Variants in MYO7B observed in about 807,000 individuals in gnomAD.
The protein encoded by MYO7B is myosin VIIB.
In MYO7B, 212 loss-of-function variants were observed where a neutral mutation model predicts 259.7. The observed-to-expected ratio is 0.82, with a 90% CI of 0.73 to 0.91. The LOEUF is 0.91. MYO7B is among the 40% of genes least tolerant of loss of function. The pLI, the probability that MYO7B is intolerant of heterozygous loss-of-function variation, is 0.00. For synonymous variants in MYO7B, 1,197 were observed against 1,166.4 expected (o/e 1.03, Z -0.54); for missense variants, 2,732 against 2,813.5 (o/e 0.97, Z 0.66).
At chr2:127,625,637 CA>C in intron 31 of MYO7B, 102 bp downstream of exon 31, 2 of 1,275,758 alleles carry the variant, frequency 1.6e-6, no homozygotes, top group Non-Finnish European at 2.0e-6. Context: ...CCACAACCCC[CA>C]CCCCCTGGGG....
At chr2:127,587,117 A>G (rs189725242) in intron 14 of MYO7B, among the ~76,000 whole-genome samples, 58 of 152,240 alleles carry the variant, frequency 3.8e-4, no homozygotes, top group Non-Finnish European at 6.8e-4. Flanking sequence ...ACTTAAGGGG[A>G]GGAAAGTGAA....
chr2:127,562,614 T>C (rs1678151865), intron 2 of MYO7B, among the ~76,000 whole-genome samples: 2 of 149,546 alleles, frequency 1.3e-5, no homozygotes, highest in Non-Finnish European at 3.0e-5. Context: ...CAGCCTCCCA[T>C]GTAGCTGGGA....
At chr2:127,618,904 G>T (rs966966457) in intron 26 of MYO7B, among the ~76,000 whole-genome samples, 1 of 152,230 alleles carries the variant, frequency 6.6e-6, no homozygotes, top group African/African-American at 2.4e-5. Flanking sequence ...ATGAGGAATT[G>T]CCCAAGGAAC....
At position 127,627,135 on chromosome 2, in the gene MYO7B, G is replaced by T. The variant is rs1329214675; in HGVS notation, c.4333+43G>T. 1.2e-6 allele frequency: 2 copies of T among 1,603,900 alleles called. No homozygotes were observed. The highest frequency in any genetic ancestry group is 3.4e-5 in the Admixed American group (2 of 58,390). On this transcript the variant is annotated intron_variant, in intron 32 of 47. Coordinates refer to ENST00000409816, the MANE Select transcript of MYO7B (RefSeq NM_001393586.1). The surrounding 1 kb of genome is among the most constrained non-coding windows in gnomAD (Gnocchi z 5.6). ...GGGGCAGGGAGCAGGTATGGGCTGG[G>T]CACCCAGGGGTCCCATGCAGCCTTC...
intron 6 of MYO7B, among the ~76,000 whole-genome samples, chr2:127,572,008 C>T (rs960940463): frequency 4.6e-5 from 7 of 152,080 alleles, no homozygotes; most frequent in African/African-American, 1.7e-4. Context: ...AGATTTTCTC[C>T]TATGTTTTTC....
chr2:127,542,715 C>A (rs947655075), intron 1 of MYO7B, among the ~76,000 whole-genome samples: 5 of 152,048 alleles, frequency 3.3e-5, no homozygotes, highest in Non-Finnish European at 7.4e-5. Context: ...ATATGGAGGA[C>A]CCACACTGGC....
At position 127,628,089 on chromosome 2, in the gene MYO7B, C is replaced by T; in HGVS notation, c.4461-283C>T. 4 of 609,036 alleles carry T rather than the reference C, an allele frequency of 6.6e-6. No homozygotes were observed. Among genetic ancestry groups the T allele is most frequent in the Admixed American group, 2.1e-5 (1 of 47,058 alleles). 37.7% of individuals were successfully genotyped at this position (609,036 alleles called of 1,614,324 possible). A position where few individuals can be genotyped will look rare whatever the true frequency, so the allele number is the denominator to read the frequency against. ...CAGCTCATCTCAGCTCTGACCTTTG[C>T]AGTGTCCCTGCGGTGTCACTGCACA... On this transcript the variant is annotated intron_variant, in intron 33 of 47. Coordinates refer to ENST00000409816, the MANE Select transcript of MYO7B (RefSeq NM_001393586.1). The surrounding 1 kb of genome is among the most constrained non-coding windows in gnomAD (Gnocchi z 4.8).
At position 127,585,685 on chromosome 2, in the gene MYO7B, C is replaced by A. The variant is rs1180335172; in HGVS notation, c.1690+772C>A. On this transcript the variant is annotated intron_variant, in intron 14 of 47. Coordinates refer to ENST00000409816, the MANE Select transcript of MYO7B (RefSeq NM_001393586.1). This position sits in a 1 kb window ranked among gnomAD's most constrained non-coding sequence, Gnocchi z 4.3. Reference sequence around the variant, plus strand: ...TTTCCAAAGCGGCTGTATGATTTTACATTCCCACTAGCAATGTATGAGGAC... The same window carrying A: ...TTTCCAAAGCGGCTGTATGATTTTAAATTCCCACTAGCAATGTATGAGGAC... Among the ~76,000 whole-genome samples, 1 of 152,202 alleles carries A rather than the reference C, an allele frequency of 6.6e-6. No individual in the cohort carries two copies. Among genetic ancestry groups the A allele is most frequent in the Non-Finnish European group, 1.5e-5 (1 of 68,028 alleles).
At chr2:127,536,827 C>G (rs1253845656) in intron 1 of MYO7B, among the ~76,000 whole-genome samples, 1 of 152,180 alleles carries the variant, frequency 6.6e-6, no homozygotes, top group African/African-American at 2.4e-5. Flanking sequence ...CTCATCAGCC[C>G]ACCCCATCTC....
Position 127,584,267 on chromosome 2 carries a change from G to A in MYO7B, c.1489G>A (p.Asp497Asn). The change falls in exon 13 of 48, where the codon GAC becomes AAC. Residue 497 changes from aspartate to asparagine, a missense_variant. Coordinates refer to ENST00000409816, the MANE Select transcript of MYO7B (RefSeq NM_001393586.1). The surrounding 1 kb of genome is among the most constrained non-coding windows in gnomAD (Gnocchi z 5.8). ...CTACACCGACAATCGGCCCACCCTG[G>A]ACCTGCTGGCCCTCAAGCCCATGAG... ...IHYTDNRPTL[D>N]LLALKPMSII... 1 of 1,613,994 alleles carries A rather than the reference G, an allele frequency of 6.2e-7. No individual in the cohort carries two copies. Among genetic ancestry groups the A allele is most frequent in the Non-Finnish European group, 8.5e-7 (1 of 1,179,906 alleles).
intron 29 of MYO7B, 127 bp downstream of exon 29, chr2:127,623,502 C>G: frequency 9.9e-7 from 1 of 1,009,346 alleles, no homozygotes; most frequent in African/African-American, 1.6e-5. Context: ...AGGCACAGCA[C>G]TGCTTACCCT....
In MYO7B at chr2:127,627,515, T is replaced by C. The variant is rs768143139; in HGVS notation, c.4460+205T>C. 82 of 754,058 alleles carry C rather than the reference T, an allele frequency of 1.1e-4. No homozygotes were observed. The highest frequency in any genetic ancestry group is 3.1e-4 in the South Asian group (21 of 68,064). The allele number at this position is 754,058 out of a possible 1,614,324, so 46.7% of individuals were successfully genotyped here. A position where few individuals can be genotyped will look rare whatever the true frequency, so the allele number is the denominator to read the frequency against. On this transcript the variant is annotated intron_variant, in intron 33 of 47. Transcript: ENST00000409816. The surrounding 1 kb of genome is among the most constrained non-coding windows in gnomAD (Gnocchi z 5.6). The stretch of plus-strand genomic sequence containing the variant: ...GCCGTACTGCCCATGAAGTACTCCA[T>C]TGGGGCATCACGCGTTGCACTGGCA...
intron 1 of MYO7B, among the ~76,000 whole-genome samples, chr2:127,550,046 G>A (rs1693388644): frequency 6.6e-6 from 1 of 152,066 alleles, no homozygotes; most frequent in South Asian, 2.1e-4. Flanking sequence ...CATAATTTTG[G>A]CATTAGAGAA....
intron 1 of MYO7B, among the ~76,000 whole-genome samples, chr2:127,545,004 T>A (rs1049103280): frequency 6.6e-6 from 1 of 151,854 alleles, no homozygotes; most frequent in Admixed American, 6.6e-5. Flanking sequence ...GGATTACAGG[T>A]GTGAGCCACC....
At chr2:127,633,431 T>C in intron 40 of MYO7B, 68 bp downstream of exon 40, 1 of 1,473,632 alleles carries the variant, frequency 6.8e-7, no homozygotes, top group Admixed American at 1.8e-5. Context: ...TCCTCCTTCC[T>C]GGCCCAGCCT....
chr2:127,634,661 G>A lies in MYO7B; in HGVS notation c.5691G>A (p.Lys1897=). The A allele has an allele frequency of 1.2e-6, 2 of 1,612,732 alleles. No individual in the cohort carries two copies. Among genetic ancestry groups the A allele is most frequent in the Non-Finnish European group, 8.5e-7 (1 of 1,179,380 alleles). The part of the protein sequence containing the change: ...DSLREVSDWV[K]KNKPQKEGAP... Reference sequence around the variant, plus strand: ...TGAGGGAGGTGTCTGACTGGGTGAAGAAGAACAAGCCCCAGAAAGAAGGTG... The same window carrying A: ...TGAGGGAGGTGTCTGACTGGGTGAAAAAGAACAAGCCCCAGAAAGAAGGTG... Residue 1897 remains lysine, a synonymous_variant, in exon 42 of 48, where the codon AAG becomes AAA. Coordinates refer to ENST00000409816, the MANE Select transcript of MYO7B (RefSeq NM_001393586.1).
intron 30 of MYO7B, among the ~76,000 whole-genome samples, chr2:127,625,082 G>A (rs10180750): frequency 0.061 from 9,212 of 152,248 alleles, 396 homozygotes; most frequent in South Asian, 0.15. Flanking sequence ...CTCAGATGAG[G>A]AAACGCCTTG....
intron 20 of MYO7B, 34 bp downstream of exon 20, chr2:127,605,962 G>A (rs375261950): frequency 5.1e-5 from 79 of 1,560,284 alleles, no homozygotes; most frequent in African/African-American, 9.5e-5. Flanking sequence ...TGGGCCGCGG[G>A]ACCAGCGGGT....
At position 127,607,554 on chromosome 2, in the gene MYO7B, C is replaced by A. The variant is rs556159298; in HGVS notation, c.2643+130C>A. On this transcript the variant is annotated intron_variant, in intron 21 of 47. Transcript: ENST00000409816. This position sits in a 1 kb window ranked among gnomAD's most constrained non-coding sequence, Gnocchi z 4.4. ...TTGGAAAATCCCCCCGCCCCCGCCA[C>A]AAGCCAAGACGTTAAAATCTGTTCA... 11 of 748,190 alleles carry A rather than the reference C, an allele frequency of 1.5e-5. No homozygotes were observed. In the African/African-American group the frequency reaches 1.6e-4, roughly 11 times the overall value. The allele number at this position is 748,190 out of a possible 1,614,324, so 46.3% of individuals were successfully genotyped here.
Sources: gnomAD v4.1 joint callset for allele counts (sites outside exome capture counted in the v4.1 genomes callset) on GRCh38, gnomAD v4.1.1 for gene constraint, Gnocchi (gnomAD v3.1) non-coding constraint, MANE v1.5 for transcripts, NCBI Gene and HGNC (gene_info 2026-07-23, HGNC 2026-07-21) for gene names.